Variants in ZC3H3 observed in about 807,000 individuals in gnomAD.
ZC3H3 encodes zinc finger CCCH-type containing 3.
ZC3H3 carries 36 observed loss-of-function variants against 77.3 expected under a neutral mutation model. That is an observed-to-expected ratio of 0.47 (90% CI 0.36 to 0.61). ZC3H3 has a LOEUF of 0.61. ZC3H3 is among the 20% of genes least tolerant of loss of function. ZC3H3 has a pLI of 0.00. For missense variants in ZC3H3, 1,331 were observed against 1,312.2 expected (o/e 1.01, Z -0.22); for synonymous variants, 626 against 555.2 (o/e 1.13, Z -1.79).
chr8:143,501,613 T>C (rs1341870909), intron 4 of ZC3H3, among the ~76,000 whole-genome samples: 1 of 148,960 alleles, frequency 6.7e-6, no homozygotes, highest in African/African-American at 2.5e-5. Flanking sequence ...TCATCCCAAG[T>C]TCCTCTGATC....
chr8:143,516,827 G>A (rs766226232), intron 3 of ZC3H3, among the ~76,000 whole-genome samples: 1 of 152,314 alleles, frequency 6.6e-6, no homozygotes, highest in East Asian at 1.9e-4. Context: ...ATTCATCTTT[G>A]ACAAACATTT....
chr8:143,502,215 C>A (rs1267439919), intron 4 of ZC3H3, among the ~76,000 whole-genome samples: 3 of 152,246 alleles, frequency 2.0e-5, no homozygotes, highest in African/African-American at 4.8e-5. Context: ...TGCTGAAGCC[C>A]CAGTCTGTGC....
In ZC3H3 at chr8:143,440,001, A is replaced by AG. The variant is rs1270183972; in HGVS notation, c.2815+39dup. On this transcript the variant is annotated intron_variant, in intron 11 of 11. Coordinates refer to ENST00000262577, the MANE Select transcript of ZC3H3 (RefSeq NM_015117.3). The stretch of plus-strand genomic sequence containing the variant: ...GTGCTGCCTACCTGAATCCTTGGTG[A>AG]GGGGGGCCCTGGGGGCCCGAGCCAG... 6 of 1,439,804 alleles carry AG rather than the reference A, an allele frequency of 4.2e-6. No homozygotes were observed. In the African/African-American group the frequency reaches 4.6e-5, roughly 11 times the overall value. The allele number at this position is 1,439,804 out of a possible 1,614,324, so 89.2% of individuals were successfully genotyped here. A position where few individuals can be genotyped will look rare whatever the true frequency, so the allele number is the denominator to read the frequency against.
In ZC3H3 at chr8:143,441,100, C is replaced by T; in HGVS notation, c.2328G>A (p.Leu776=). The T allele has an allele frequency of 6.9e-7, 1 of 1,451,226 alleles. No individual in the cohort carries two copies. The allele number at this position is 1,451,226 out of a possible 1,614,324, so 89.9% of individuals were successfully genotyped here. The change falls in exon 10 of 12, where the codon CTG becomes CTA. Residue 776 remains leucine, a synonymous_variant. Coordinates refer to ENST00000262577, the MANE Select transcript of ZC3H3 (RefSeq NM_015117.3). ...LGAKCKKKHT[L]LCPDFARRGA... ...CCCTGCGGGCAAAGTCGGGGCACAGCAGCGTGTGTTTCTTCTTGCACTGCA... is the reference window on the plus strand; with the variant it reads ...CCCTGCGGGCAAAGTCGGGGCACAGTAGCGTGTGTTTCTTCTTGCACTGCA...
intron 4 of ZC3H3, among the ~76,000 whole-genome samples, chr8:143,479,717 G>A (rs750376858): frequency 3.9e-5 from 6 of 152,164 alleles, no homozygotes; most frequent in Non-Finnish European, 7.3e-5. Context: ...AATTTACTCC[G>A]AACAGAAGTG....
chr8:143,528,959 C>G (rs538143312), intron 3 of ZC3H3, among the ~76,000 whole-genome samples: 1 of 152,352 alleles, frequency 6.6e-6, no homozygotes, highest in South Asian at 2.1e-4. Flanking sequence ...CCGGCAATTC[C>G]TGCAATACAA....
At chr8:143,459,533 G>C (rs533477097) in intron 9 of ZC3H3, among the ~76,000 whole-genome samples, 5 of 152,046 alleles carry the variant, frequency 3.3e-5, no homozygotes, top group African/African-American at 9.7e-5. Flanking sequence ...TGGGCAACAA[G>C]AGCAAAACTC....
chr8:143,445,036 A>C (rs1819831810), intron 9 of ZC3H3, among the ~76,000 whole-genome samples: 1 of 152,230 alleles, frequency 6.6e-6, no homozygotes, highest in African/African-American at 2.4e-5. Context: ...GATAATACAA[A>C]TTTTAAATAT....
intron 4 of ZC3H3, among the ~76,000 whole-genome samples, chr8:143,485,361 G>A (rs572925845): frequency 7.2e-5 from 11 of 152,310 alleles, no homozygotes; most frequent in African/African-American, 2.2e-4. Context: ...CAGGAATAAC[G>A]AAGGGCACAG....
chr8:143,502,871 C>T (rs887593428), intron 4 of ZC3H3, among the ~76,000 whole-genome samples: 2 of 152,234 alleles, frequency 1.3e-5, no homozygotes, highest in African/African-American at 4.8e-5. Context: ...ATTCCAGGCC[C>T]TCTGGGACAG....
intron 3 of ZC3H3, 149 bp downstream of exon 3, chr8:143,536,108 G>T: frequency 3.0e-6 from 3 of 992,008 alleles, no homozygotes; most frequent in South Asian, 3.3e-5. Context: ...CTATCTGCCA[G>T]CCCACCACCA....
Position 143,539,156 on chromosome 8 carries a change from G to T in ZC3H3, c.211C>A (p.Arg71Ser), listed in dbSNP as rs567731754. 2 of 1,612,962 alleles carry T rather than the reference G, an allele frequency of 1.2e-6. No homozygotes were observed. The highest frequency in any genetic ancestry group is 1.7e-5 in the Admixed American group (1 of 60,030). The change falls in exon 2 of 12, where the codon CGC becomes AGC. Residue 71 changes from arginine (R) to serine (S), a missense_variant. Arg to Ser is a moderately radical substitution (Grantham distance 110). Around this residue, in one of 3 missense-constraint regions of ZC3H3, gnomAD observed 978 missense variants for 915.5 expected, o/e 1.07. Coordinates refer to ENST00000262577, the MANE Select transcript of ZC3H3 (RefSeq NM_015117.3). ...GYSSHHGPSW[R>S]KKYSLVNRPP... ...CGATTCACGAGGGAGTATTTCTTGC[G>T]CCACGAAGGCCCATGGTGGGAAGAG...
At chr8:143,520,276 G>C (rs1471020209) in intron 3 of ZC3H3, among the ~76,000 whole-genome samples, 3 of 152,240 alleles carry the variant, frequency 2.0e-5, no homozygotes, top group African/African-American at 7.2e-5. Context: ...ATGTCTCCCG[G>C]GAGAGGGCAG....
chr8:143,492,642 G>A (rs1375977242), intron 4 of ZC3H3, among the ~76,000 whole-genome samples: 6 of 152,202 alleles, frequency 3.9e-5, no homozygotes, highest in African/African-American at 1.2e-4. Flanking sequence ...CTGACCACAC[G>A]CACATCCTGC....
intron 3 of ZC3H3, among the ~76,000 whole-genome samples, chr8:143,529,253 G>GGGGAAAGA (rs1822522309): frequency 1.3e-5 from 2 of 152,196 alleles, no homozygotes; most frequent in African/African-American, 4.8e-5. Flanking sequence ...AGAAGCCGCT[G>GGGGAAAGA]GGGACAGAGG....
chr8:143,509,318 G>C (rs1043474267), intron 3 of ZC3H3, among the ~76,000 whole-genome samples: 5 of 152,270 alleles, frequency 3.3e-5, no homozygotes, highest in Non-Finnish European at 7.3e-5. Context: ...AAGTCCTTAA[G>C]TTATCAATAA....
chr8:143,522,080 T>A (rs933073252), intron 3 of ZC3H3, among the ~76,000 whole-genome samples: 1 of 152,184 alleles, frequency 6.6e-6, no homozygotes, highest in African/African-American at 2.4e-5. Flanking sequence ...TGTGGCCCAG[T>A]GCTGAGCCCC....
chr8:143,444,976 G>A (rs1327603195), intron 9 of ZC3H3, among the ~76,000 whole-genome samples: 2 of 152,140 alleles, frequency 1.3e-5, no homozygotes, highest in Non-Finnish European at 2.9e-5. Flanking sequence ...CAAAGTTGCT[G>A]GAGATAAAAT....
In ZC3H3 at chr8:143,538,634, G is replaced by C. The variant is rs573790847; in HGVS notation, c.733C>G (p.Arg245Gly). The C allele has an allele frequency of 1.9e-6, 3 of 1,608,998 alleles. No homozygotes were observed. Among genetic ancestry groups the C allele is most frequent in the East Asian group, 4.5e-5 (2 of 44,874 alleles). Residue 245 changes from arginine to glycine, a missense_variant, in exon 2 of 12, where the codon CGG becomes GGG. Physicochemically the swap from Arg to Gly is moderately radical, Grantham distance 125. Transcript: ENST00000262577. ...GCCACGGAATGAGAACCCAGCTTCC[G>C]GCCCAGGGCCACGCCAGTGCGTGGG... ...LPPRTGVALG[R>G]KLGSHSVASC... is the part of the protein sequence containing the mutation.
Sources: allele counts gnomAD v4.1 joint callset (sites outside exome capture counted in the v4.1 genomes callset), GRCh38; gene constraint gnomAD v4.1.1; regional missense constraint gnomAD v4.1.1; transcripts MANE v1.5; gene names NCBI Gene and HGNC (gene_info 2026-07-23, HGNC 2026-07-21).